The following RASSF9 variants were observed in gnomAD, a reference collection of about 807,000 sequenced individuals.
RASSF9 encodes the protein Ras association domain family member 9.
A neutral mutation model predicts 21.4 loss-of-function variants in RASSF9; 18 were observed. The ratio of observed to expected loss-of-function variants is 0.84; its 90% CI spans 0.58 to 1.25. The LOEUF is 1.25. Ranked by LOEUF, RASSF9 falls within the 50% of genes most tolerant of loss-of-function variation. The probability of loss-of-function intolerance (pLI) is 0.00; values close to 1 mark genes in which losing one functional copy is unlikely to be tolerated. For synonymous variants in RASSF9, 183 were observed against 179.1 expected, an observed-to-expected ratio of 1.02 and a Z score of -0.18; for missense variants, 480 against 503.2, an observed-to-expected ratio of 0.95 and a Z score of 0.44.
chr12:85,825,773 A>G (rs976379760), intron 1 of RASSF9, among the ~76,000 whole-genome samples: 1 of 142,774 alleles, frequency 7.0e-6, no homozygotes, highest in Non-Finnish European at 1.5e-5. Context: ...GGTAAAAATA[A>G]TGTGATCTTT....
At chr12:85,806,324 A>G (rs1315314711) in intron 1 of RASSF9, among the ~76,000 whole-genome samples, 2 of 148,036 alleles carry the variant, frequency 1.4e-5, no homozygotes, top group East Asian at 2.2e-4. Flanking sequence ...TGCTGGGATT[A>G]CAGGCGTGAG....
intron 1 of RASSF9, among the ~76,000 whole-genome samples, chr12:85,814,475 C>T (rs1415794258): frequency 6.6e-6 from 1 of 151,946 alleles, no homozygotes; most frequent in Non-Finnish European, 1.5e-5. Context: ...AAGCCCTGTT[C>T]CAGATTTAAA....
Position 85,801,037 on chromosome 12 carries a change from TAAG to T in RASSF9, c.*3662_*3664del, listed in dbSNP as rs1362215029. The T allele has an allele frequency of 1.3e-5, 2 of 151,970 alleles. No homozygotes were observed. The highest frequency in any genetic ancestry group is 3.9e-4 in the East Asian group (2 of 5,190). 9.4% of individuals were successfully genotyped at this position (151,970 alleles called of 1,614,324 possible). ...ACTAATGAGGTGTTGTTATTTTACT[TAAG>T]AAGAAAAATGAAATAGATATTTTGT... On this transcript the variant is annotated 3_prime_UTR_variant, in exon 2 of 2. Coordinates refer to ENST00000361228, the MANE Select transcript of RASSF9 (RefSeq NM_005447.4).
chr12:85,805,721 G>C lies in RASSF9; in HGVS notation c.289C>G (p.Leu97Val), dbSNP rs181512475. 7.4e-6 allele frequency: 12 copies of C among 1,613,958 alleles called. No homozygotes were observed. In the East Asian group the frequency reaches 2.7e-4, roughly 36 times the overall value. The change falls in exon 2 of 2, where the codon CTG (leucine) becomes GTG (valine). Residue 97 changes from leucine (L) to valine (V), a missense_variant. Leu to Val is a conservative substitution (Grantham distance 32). Coordinates refer to ENST00000361228, the MANE Select transcript of RASSF9 (RefSeq NM_005447.4). ...TCTCCCCACGCTTTCCAAAGCTTCA[G>C]GATTCTAGTTAGTGGAGGAAGAACC... Reference protein sequence around the residue: ...ERVLPPLTRILKLWKAWGDEQ... With the variant: ...ERVLPPLTRIVKLWKAWGDEQ...
Position 85,836,310 on chromosome 12 carries a change from C to T in RASSF9, c.-109G>A. On this transcript the variant is annotated 5_prime_UTR_variant, in exon 1 of 2. Coordinates refer to ENST00000361228, the MANE Select transcript of RASSF9 (RefSeq NM_005447.4). ...GGAGGAGGGCTGGAAGCTTTCTCTT[C>T]TCCTCGGATGTTCCTGGCTTTCAGC... 1 of 1,534,686 alleles carries T rather than the reference C, an allele frequency of 6.5e-7. No homozygotes were observed. Among genetic ancestry groups the T allele is most frequent in the Non-Finnish European group, 8.8e-7 (1 of 1,139,418 alleles).
rs993403094 is a variant in RASSF9 at position 85,836,193 on chromosome 12, G to T, written c.9C>A (p.Pro3=). The T allele has an allele frequency of 1.3e-6, 2 of 1,550,836 alleles. No individual in the cohort carries two copies. Among genetic ancestry groups the T allele is most frequent in the Non-Finnish European group, 1.7e-6 (2 of 1,146,846 alleles). Residue 3 remains proline (P), a synonymous_variant, in exon 1 of 2, where the codon CCC becomes CCA. Transcript: ENST00000361228. MA[P]FGRNLLKTRH... is the part of the protein sequence containing the mutation. The stretch of plus-strand genomic sequence containing the variant: ...GAGTCTTTAGCAAGTTTCTTCCAAA[G>T]GGAGCCATGGTCTGTCGGGCAAACG...
chr12:85,829,927 AC>A (rs1047599524), intron 1 of RASSF9, among the ~76,000 whole-genome samples: 6 of 152,298 alleles, frequency 3.9e-5, no homozygotes, highest in African/African-American at 1.4e-4. Context: ...GAACTATTTT[AC>A]TATAATAATG....
In RASSF9 at chr12:85,805,038, T is replaced by C; in HGVS notation, c.972A>G (p.Lys324=). The change falls in exon 2 of 2, where the codon AAA becomes AAG. Residue 324 remains lysine (K), a synonymous_variant. Transcript: ENST00000361228. ...NLESVKCDLE[K]SMKAGLKIHS... ...GAATTTTCAAACCAGCTTTCATGCT[T>C]TTCTCCAAATCACACTTAACACTCT... 2.5e-6 allele frequency: 4 copies of C among 1,613,990 alleles called. No homozygotes were observed. The highest frequency in any genetic ancestry group is 3.4e-6 in the Non-Finnish European group (4 of 1,179,884).
rs11320045 is a variant in RASSF9 at position 85,819,210 on chromosome 12, A to AT, written c.48-13249dup. On this transcript the variant is annotated intron_variant, in intron 1 of 1. Transcript: ENST00000361228. ...CTAGGCAATTTTTACTGCTTTAAGC[A>AT]TTTTTTTTTTTCTTTTTTTAGAGAC... is the stretch of plus-strand genomic sequence containing the variant. 3.7e-3 allele frequency among the ~76,000 whole-genome samples: 542 copies of AT among 147,410 alleles called. 5 individuals carry two copies. Among genetic ancestry groups the AT allele is most frequent in the African/African-American group, 0.011 (458 of 40,492 alleles).
intron 1 of RASSF9, among the ~76,000 whole-genome samples, chr12:85,806,619 G>T (rs1369943766): frequency 1.4e-5 from 2 of 140,262 alleles, no homozygotes; most frequent in African/African-American, 5.3e-5. Flanking sequence ...GTTGCAGGGA[G>T]TGGAGATTGT....
At chr12:85,833,652 G>T (rs559990390) in intron 1 of RASSF9, among the ~76,000 whole-genome samples, 3 of 152,018 alleles carry the variant, frequency 2.0e-5, no homozygotes, top group Admixed American at 6.6e-5. Flanking sequence ...AAAATTTTAT[G>T]ATCTTTAATC....
intron 1 of RASSF9, among the ~76,000 whole-genome samples, chr12:85,824,324 G>T (rs921832783): frequency 6.6e-6 from 1 of 151,920 alleles, no homozygotes; most frequent in Non-Finnish European, 1.5e-5. Context: ...ACTTTCCTTT[G>T]CCTCTCTCCT....
intron 1 of RASSF9, among the ~76,000 whole-genome samples, 185 bp from the exon 2 acceptor site, chr12:85,806,147 C>T (rs1879827376): frequency 1.3e-5 from 2 of 151,686 alleles, no homozygotes; most frequent in Admixed American, 1.3e-4. Flanking sequence ...CTCGGGTTCA[C>T]GCCATTCTCC....
Position 85,804,683 on chromosome 12 carries a change from C to A in RASSF9, c.*19G>T. ...CAAACATTAAAACATGAAAGCAGGT[C>A]AGAAAGGAGCCATTGGAACTATGTT... On this transcript the variant is annotated 3_prime_UTR_variant, in exon 2 of 2. Transcript: ENST00000361228. 1.9e-6 allele frequency: 3 copies of A among 1,546,478 alleles called. No individual in the cohort carries two copies. The highest frequency in any genetic ancestry group is 2.6e-6 in the Non-Finnish European group (3 of 1,144,114).
intron 1 of RASSF9, among the ~76,000 whole-genome samples, chr12:85,826,041 C>T (rs1279704615): frequency 3.3e-5 from 5 of 152,132 alleles, no homozygotes; most frequent in Admixed American, 6.6e-5. Context: ...ATATGGTTGT[C>T]AGGAGGGATG....
In RASSF9 at chr12:85,803,232, G is replaced by A. The variant is rs1411237386; in HGVS notation, c.*1470C>T. 1 of 152,038 alleles carries A rather than the reference G, an allele frequency of 6.6e-6. No homozygotes were observed. Among genetic ancestry groups the A allele is most frequent in the Non-Finnish European group, 1.5e-5 (1 of 67,996 alleles). The allele number at this position is 152,038 out of a possible 1,614,324, so 9.4% of individuals were successfully genotyped here. A position where few individuals can be genotyped will look rare whatever the true frequency, so the allele number is the denominator to read the frequency against. The stretch of plus-strand genomic sequence containing the variant: ...CAATAAGAAAACTGAGTTAAAACCT[G>A]CACTAAAAGTATGCAAAAGAATAAA... On this transcript the variant is annotated 3_prime_UTR_variant, in exon 2 of 2. Coordinates refer to ENST00000361228, the MANE Select transcript of RASSF9 (RefSeq NM_005447.4).
At chr12:85,810,312 T>C (rs61928957) in intron 1 of RASSF9, among the ~76,000 whole-genome samples, 10,678 of 151,958 alleles carry the variant, frequency 0.07, 543 homozygotes, top group Middle Eastern at 0.18. Context: ...ACATGTGTGA[T>C]TTACAAGAAA....
At chr12:85,826,407 G>A (rs1011054109) in intron 1 of RASSF9, among the ~76,000 whole-genome samples, 6 of 149,406 alleles carry the variant, frequency 4.0e-5, no homozygotes, top group African/African-American at 9.9e-5. Context: ...TAACTCCCTC[G>A]TACCTGGCCC....
Position 85,807,269 on chromosome 12 carries a change from T to C in RASSF9, c.48-1307A>G, listed in dbSNP as rs543376511. Among the ~76,000 whole-genome samples, 24 of 151,768 alleles carry C rather than the reference T, an allele frequency of 1.6e-4. 1 individual carries two copies. The highest frequency in any genetic ancestry group is 2.1e-4 in the South Asian group (1 of 4,792). ...TAGTTGAAAGCTGAGGATAGCAGAG[T>C]TGGAAATTGCTGCTGGTGGGAAGGA... is the stretch of plus-strand genomic sequence containing the variant. On this transcript the variant is annotated intron_variant, in intron 1 of 1. Transcript: ENST00000361228.
Sources: gnomAD v4.1 joint callset for allele counts (sites outside exome capture counted in the v4.1 genomes callset) on GRCh38, gnomAD v4.1.1 for gene constraint, MANE v1.5 for transcripts, NCBI Gene and HGNC (gene_info 2026-07-23, HGNC 2026-07-21) for gene names.